KIF5C: variants seen among roughly 807,000 people sequenced by gnomAD.
KIF5C encodes the protein kinesin heavy chain isoform 5C.
A neutral mutation model predicts 125.2 loss-of-function variants in KIF5C; 18 were observed. The ratio of observed to expected loss-of-function variants is 0.14; its 90% CI spans 0.10 to 0.21. KIF5C has a LOEUF of 0.21. Among genes scored for constraint, KIF5C ranks in the 10% least tolerant of loss-of-function variants. The pLI is 1.00. For missense variants in KIF5C, 780 were observed against 1,183.8 expected (o/e 0.66, Z 5.01); for synonymous variants, 405 against 434.0 (o/e 0.93, Z 0.83).
At chr2:148,996,086 C>T (rs1003671831) in intron 17 of KIF5C, among the ~76,000 whole-genome samples, 2 of 151,810 alleles carry the variant, frequency 1.3e-5, no homozygotes, top group African/African-American at 2.4e-5. Flanking sequence ...ATCCAGGAGG[C>T]GGAGGTTGTA....
chr2:148,962,561 C>T (rs1373648777), intron 11 of KIF5C, among the ~76,000 whole-genome samples: 3 of 152,052 alleles, frequency 2.0e-5, no homozygotes, highest in African/African-American at 7.3e-5. Flanking sequence ...AGCTTGATTC[C>T]TCCTGGCAAC....
chr2:148,941,579 T>C, intron 4 of KIF5C, 31 bp from the exon 5 acceptor site: 1 of 1,553,070 alleles, frequency 6.4e-7, no homozygotes, highest in Non-Finnish European at 8.7e-7. Flanking sequence ...CTGCGGCATG[T>C]CTATTCCAAG....
At chr2:148,942,822 C>T (rs750191325) in intron 7 of KIF5C, 62 bp downstream of exon 7, 25 of 1,565,786 alleles carry the variant, frequency 1.6e-5, no homozygotes, top group African/African-American at 5.4e-5. Flanking sequence ...GCCCACCAAC[C>T]GAGGGGGGTG....
chr2:149,018,665 A>ATAC lies in KIF5C; in HGVS notation c.*8-4411_*8-4410insCTA, dbSNP rs1488998474. Among the ~76,000 whole-genome samples, 7 of 151,802 alleles carry ATAC rather than the reference A, an allele frequency of 4.6e-5. No individual in the cohort carries two copies. In the East Asian group the frequency reaches 1.3e-3, roughly 29 times the overall value. ...GCGAGACTCTGTCTCAATAATAATA[A>ATAC]TAATAAAATAAAATAAATTAAAAAT... On this transcript the variant is annotated intron_variant, in intron 25 of 25. Transcript: ENST00000435030.
At chr2:148,976,420 C>G (rs1445862825) in intron 12 of KIF5C, among the ~76,000 whole-genome samples, 1 of 151,894 alleles carries the variant, frequency 6.6e-6, no homozygotes, top group Non-Finnish European at 1.5e-5. Context: ...CAGGCGCACA[C>G]CACCACGCCT....
intron 12 of KIF5C, among the ~76,000 whole-genome samples, chr2:148,976,495 C>T (rs1681075587): frequency 6.6e-6 from 1 of 151,530 alleles, no homozygotes; most frequent in African/African-American, 2.4e-5. Context: ...GTCTTGATTT[C>T]CTGACCTCGT....
chr2:148,983,163 C>T (rs1353653283), intron 14 of KIF5C, among the ~76,000 whole-genome samples: 1 of 151,976 alleles, frequency 6.6e-6, no homozygotes, highest in African/African-American at 2.4e-5. Context: ...GCCATCTATT[C>T]TAGACCCATC....
chr2:148,877,861 T>C (rs6759579), intron 1 of KIF5C: 21,589 of 152,098 alleles, frequency 0.14, 2,235 homozygotes, highest in African/African-American at 0.28. Context: ...AATTTTAGAA[T>C]TATCCTTCTT....
At chr2:148,974,455 G>A (rs557097741) in intron 12 of KIF5C, among the ~76,000 whole-genome samples, 5 of 152,212 alleles carry the variant, frequency 3.3e-5, no homozygotes, top group Non-Finnish European at 5.9e-5. Context: ...AATGTGACTG[G>A]TTGCCTTAAG....
At position 148,875,740 on chromosome 2, in the gene KIF5C, C is replaced by T. The variant is rs1681162990; in HGVS notation, c.123C>T (p.Ile41=). ...TTAAAGGCGATGAGACCGTGGTGAT[C>T]GGGGTAAGTGGCTGGGGCGTCTGCC... is the stretch of plus-strand genomic sequence containing the variant. The part of the protein sequence containing the change: ...PKFKGDETVV[I]GQGKPYVFDR... The change falls in exon 1 of 26, where the codon ATC becomes ATT. Residue 41 remains isoleucine, a synonymous_variant. Coordinates refer to ENST00000435030, the MANE Select transcript of KIF5C (RefSeq NM_004522.3). 1.9e-6 allele frequency: 3 copies of T among 1,604,294 alleles called. No homozygotes were observed. Among genetic ancestry groups the T allele is most frequent in the East Asian group, 4.5e-5 (2 of 44,482 alleles).
chr2:148,950,868 G>A (rs1310038879), intron 10 of KIF5C, among the ~76,000 whole-genome samples: 5 of 151,852 alleles, frequency 3.3e-5, no homozygotes, highest in Non-Finnish European at 2.9e-5. Context: ...ACAAAGTAAG[G>A]GACAAACAGC....
intron 25 of KIF5C, among the ~76,000 whole-genome samples, chr2:149,017,996 T>G (rs1337376112): frequency 6.6e-6 from 1 of 152,150 alleles, no homozygotes; most frequent in Non-Finnish European, 1.5e-5. Context: ...GCCTGTTTTT[T>G]GTGTGTCGTG....
At chr2:148,939,628 T>C (rs140176323) in intron 4 of KIF5C, among the ~76,000 whole-genome samples, 23 of 152,350 alleles carry the variant, frequency 1.5e-4, no homozygotes, top group African/African-American at 5.3e-4. Context: ...GGCTGAATTT[T>C]ACAGTCTGGA....
At chr2:149,022,106 G>A (rs1292669552) in intron 25 of KIF5C, among the ~76,000 whole-genome samples, 1 of 152,162 alleles carries the variant, frequency 6.6e-6, no homozygotes, top group African/African-American at 2.4e-5. Context: ...ATTATCCGAT[G>A]GAGACGAAGC....
In KIF5C at chr2:149,024,677, T is replaced by G. The variant is rs1449702087; in HGVS notation, c.*1607T>G. On this transcript the variant is annotated 3_prime_UTR_variant, in exon 26 of 26. Transcript: ENST00000435030. The stretch of plus-strand genomic sequence containing the variant: ...TTATTTGTTAAATGTTGCACTTTGT[T>G]TATGTATGTTTTGTTTTTGGTGGGG... 1 of 152,570 alleles carries G rather than the reference T, an allele frequency of 6.6e-6. No homozygotes were observed. Among genetic ancestry groups the G allele is most frequent in the Non-Finnish European group, 1.5e-5 (1 of 68,022 alleles). 9.5% of individuals were successfully genotyped at this position (152,570 alleles called of 1,614,324 possible). A position where few individuals can be genotyped will look rare whatever the true frequency, so the allele number is the denominator to read the frequency against.
intron 1 of KIF5C, among the ~76,000 whole-genome samples, chr2:148,912,544 A>C (rs1681382495): frequency 6.6e-6 from 1 of 152,250 alleles, no homozygotes; most frequent in African/African-American, 2.4e-5. Context: ...TATTGGGCTC[A>C]CATGATCCTC....
At chr2:148,950,002 TC>T in intron 9 of KIF5C, 59 bp downstream of exon 9, 1 of 1,553,204 alleles carries the variant, frequency 6.4e-7, no homozygotes, top group Non-Finnish European at 8.7e-7. Context: ...TTTTGGGGCC[TC>T]ATAGTCCCTT....
intron 1 of KIF5C, among the ~76,000 whole-genome samples, chr2:148,919,628 G>T: frequency 6.6e-6 from 1 of 152,298 alleles, no homozygotes; most frequent in South Asian, 2.1e-4. Context: ...GCAGCAAAGA[G>T]TAATTAGTGA....
At chr2:148,984,742 T>C (rs1222373211) in intron 15 of KIF5C, among the ~76,000 whole-genome samples, 1 of 152,184 alleles carries the variant, frequency 6.6e-6, no homozygotes, top group African/African-American at 2.4e-5. Flanking sequence ...CCAATCATGA[T>C]GAATCCCTTG....
Sources: allele counts gnomAD v4.1 joint callset (sites outside exome capture counted in the v4.1 genomes callset), GRCh38; gene constraint gnomAD v4.1.1; transcripts MANE v1.5; gene names NCBI Gene and HGNC (gene_info 2026-07-23, HGNC 2026-07-21).